Variants in FAP observed in about 807,000 individuals in gnomAD.
FAP encodes the protein fibroblast activation protein alpha, also known as prolyl endopeptidase FAP.
Under a neutral mutation model 126.5 loss-of-function variants are expected in FAP, and 110 were observed. The observed-to-expected ratio is 0.87, with a 90% CI of 0.74 to 1.02. FAP has a LOEUF of 1.02. Ranked by LOEUF, FAP falls within the 50% of genes least tolerant of loss-of-function variation. The probability of loss-of-function intolerance (pLI) is 0.00; values close to 1 mark genes in which losing one functional copy is unlikely to be tolerated. For synonymous variants in FAP, 334 were observed against 297.3 expected (o/e 1.12, Z -1.27); for missense variants, 919 against 909.2 (o/e 1.01, Z -0.14).
In FAP at chr2:162,229,723, C is replaced by T. The variant is rs1299548784; in HGVS notation, c.92-3102G>A. On this transcript the variant is annotated intron_variant, in intron 2 of 25. Coordinates refer to ENST00000188790, the MANE Select transcript of FAP (RefSeq NM_004460.5). ...AGAATTAATTATTTATTCCTTTAAACCTCTAATTTAGTTTATCCAGGAAGG... is the reference window on the plus strand; with the variant it reads ...AGAATTAATTATTTATTCCTTTAAATCTCTAATTTAGTTTATCCAGGAAGG... Among the ~76,000 whole-genome samples, 3 of 152,182 alleles carry T rather than the reference C, an allele frequency of 2.0e-5. No individual in the cohort carries two copies. The East Asian group carries it at 5.8e-4, about 29-fold the overall frequency.
In FAP at chr2:162,174,867, C is replaced by G; in HGVS notation, c.1969G>C (p.Ala657Pro). Residue 657 changes from alanine to proline, a missense_variant and splice_region_variant, in exon 22 of 26, where the codon GCG becomes CCG. By Grantham distance (27) the Ala-to-Pro change is conservative (BLOSUM62 -1). Transcript: ENST00000188790. ...GTAACATTAATGAATGTTTCCATAC[C>G]GTAATATTCCCAGCTGGAGACTGGA... ...VAPVSSWEYY[A>P]SVYTERFMGL... 6.3e-7 allele frequency: 1 copy of G among 1,598,116 alleles called. No individual in the cohort carries two copies. The highest frequency in any genetic ancestry group is 8.6e-7 in the Non-Finnish European group (1 of 1,166,278).
chr2:162,242,308 C>A (rs922420568), intron 2 of FAP, among the ~76,000 whole-genome samples: 9 of 152,186 alleles, frequency 5.9e-5, no homozygotes, highest in African/African-American at 2.2e-4. Context: ...CAGTGTCAAT[C>A]TAAGCCTTTT....
chr2:162,190,391 T>C (rs945652575), intron 17 of FAP, among the ~76,000 whole-genome samples: 1 of 151,834 alleles, frequency 6.6e-6, no homozygotes. Context: ...ATATATATTG[T>C]GTATACACAC....
chr2:162,223,382 T>G (rs1360451671), intron 6 of FAP, among the ~76,000 whole-genome samples: 1 of 152,208 alleles, frequency 6.6e-6, no homozygotes, highest in African/African-American at 2.4e-5. Context: ...CAAAACTATA[T>G]TGTGAATAAA....
At chr2:162,241,108 A>G (rs1690328284) in intron 2 of FAP, among the ~76,000 whole-genome samples, 3 of 152,338 alleles carry the variant, frequency 2.0e-5, no homozygotes, top group South Asian at 4.1e-4. Flanking sequence ...GAATGATATA[A>G]TGAACCAAAA....
intron 6 of FAP, among the ~76,000 whole-genome samples, chr2:162,221,006 A>G (rs1467592504): frequency 6.6e-6 from 1 of 152,102 alleles, no homozygotes; most frequent in Non-Finnish European, 1.5e-5. Context: ...CATTCTTTTA[A>G]TATTTGGGCA....
Position 162,224,455 on chromosome 2 carries a change from A to G in FAP, c.360+11T>C, listed in dbSNP as rs746994982. On this transcript the variant is annotated intron_variant, in intron 5 of 25. Transcript: ENST00000188790. ...ATACAATTGGATATAACCAAATTAAATAGTTGATACCTTTGAATAATCACT... is the reference window on the plus strand; with the variant it reads ...ATACAATTGGATATAACCAAATTAAGTAGTTGATACCTTTGAATAATCACT... 1.3e-6 allele frequency: 2 copies of G among 1,531,058 alleles called. No homozygotes were observed. The highest frequency in any genetic ancestry group is 1.4e-5 in the African/African-American group (1 of 72,284). 94.8% of individuals were successfully genotyped at this position (1,531,058 alleles called of 1,614,324 possible). A position where few individuals can be genotyped will look rare whatever the true frequency, so the allele number is the denominator to read the frequency against.
intron 21 of FAP, among the ~76,000 whole-genome samples, chr2:162,181,630 C>T (rs1392200451): frequency 1.3e-5 from 2 of 152,160 alleles, no homozygotes; most frequent in African/African-American, 4.8e-5. Context: ...CCATAATTAT[C>T]CACTCTTGTC....
In FAP at chr2:162,170,882, C is replaced by G. The variant is rs1181974057; in HGVS notation, c.*97G>C. The G allele has an allele frequency of 2.3e-6, 2 of 877,496 alleles. No homozygotes were observed. Among genetic ancestry groups the G allele is most frequent in the African/African-American group, 3.4e-5 (2 of 59,218 alleles). The allele number at this position is 877,496 out of a possible 1,614,324, so 54.4% of individuals were successfully genotyped here. ...AACAACATTAATTTGTTTGTTTATA[C>G]TAGCATTTTACAACATAAAAAATAA... On this transcript the variant is annotated 3_prime_UTR_variant, in exon 26 of 26. Coordinates refer to ENST00000188790, the MANE Select transcript of FAP (RefSeq NM_004460.5).
intron 9 of FAP, 72 bp downstream of exon 9, chr2:162,217,914 T>C: frequency 8.0e-7 from 1 of 1,252,644 alleles, no homozygotes; most frequent in East Asian, 2.5e-5. Flanking sequence ...TGATCCCACC[T>C]TTACTCATGG....
chr2:162,190,482 G>T (rs1687999315), intron 17 of FAP, among the ~76,000 whole-genome samples: 2 of 151,864 alleles, frequency 1.3e-5, no homozygotes, highest in African/African-American at 4.8e-5. Flanking sequence ...TTATACTTGA[G>T]CTCAGTTATA....
chr2:162,197,649 G>A (rs1410890920), intron 16 of FAP: 1 of 456,514 alleles, frequency 2.2e-6, no homozygotes, highest in Non-Finnish European at 4.4e-6. Flanking sequence ...TGCAGCTCAG[G>A]TTCCGGGGCC....
At chr2:162,213,146 G>C (rs185985872) in intron 11 of FAP, among the ~76,000 whole-genome samples, 1 of 152,166 alleles carries the variant, frequency 6.6e-6, no homozygotes, top group South Asian at 2.1e-4. Flanking sequence ...GGGAGGCTGA[G>C]GCGGGTGGAT....
intron 2 of FAP, among the ~76,000 whole-genome samples, chr2:162,229,031 T>G (rs976605592): frequency 5.3e-5 from 8 of 152,250 alleles, no homozygotes; most frequent in Non-Finnish European, 7.4e-5. Flanking sequence ...TTAAAGAATG[T>G]TTTTGATATT....
chr2:162,223,563 C>A (rs1293328872), intron 6 of FAP, 45 bp downstream of exon 6: 1 of 1,161,624 alleles, frequency 8.6e-7, no homozygotes, highest in Non-Finnish European at 1.3e-6. Flanking sequence ...TGAAAACATT[C>A]TAGGTATTAG....
chr2:162,230,735 A>T (rs1293966629), intron 2 of FAP, among the ~76,000 whole-genome samples: 2 of 151,940 alleles, frequency 1.3e-5, no homozygotes, highest in African/African-American at 4.8e-5. Context: ...CCTAGTACTT[A>T]TCTCAAACTT....
At chr2:162,195,214 T>G (rs188800490) in intron 16 of FAP, among the ~76,000 whole-genome samples, 353 of 152,218 alleles carry the variant, frequency 2.3e-3, no homozygotes, top group African/African-American at 8.1e-3. Context: ...CATGGAATAA[T>G]ACATGCAGAA....
At chr2:162,198,240 T>G (rs1194129678) in intron 16 of FAP, 1 of 1,289,758 alleles carries the variant, frequency 7.8e-7, no homozygotes, top group African/African-American at 1.5e-5. Context: ...AACTACAGTT[T>G]GAGGAATGAT....
intron 11 of FAP, among the ~76,000 whole-genome samples, chr2:162,213,291 G>A (rs762190085): frequency 3.3e-5 from 5 of 151,314 alleles, no homozygotes; most frequent in East Asian, 1.9e-4. Flanking sequence ...CAGGAGAATC[G>A]CCTGAACCTG....
Sources: allele counts gnomAD v4.1 joint callset (sites outside exome capture counted in the v4.1 genomes callset), GRCh38; gene constraint gnomAD v4.1.1; transcripts MANE v1.5; gene names NCBI Gene and HGNC (gene_info 2026-07-23, HGNC 2026-07-21).